SAMD12: variants seen among roughly 807,000 people sequenced by gnomAD.
SAMD12 encodes the protein sterile alpha motif domain containing 12, also known as sterile alpha motif domain-containing protein 12.
Under a neutral mutation model 15.0 loss-of-function variants are expected in SAMD12, and 9 were observed. The ratio of observed to expected loss-of-function variants is 0.60; its 90% CI spans 0.36 to 1.05. The LOEUF (loss-of-function observed/expected upper bound fraction) is 1.05, where lower values mean the gene tolerates loss of function less well. Among genes scored for constraint, SAMD12 ranks in the 50% least tolerant of loss-of-function variants. SAMD12 has a pLI of 0.01. For synonymous variants in SAMD12, 86 were observed against 90.1 expected (o/e 0.96, Z 0.25); for missense variants, 230 against 234.2 (o/e 0.98, Z 0.12).
intron 2 of SAMD12, among the ~76,000 whole-genome samples, chr8:118,566,591 G>A (rs1316972731): frequency 6.6e-6 from 1 of 151,970 alleles, no homozygotes; most frequent in Non-Finnish European, 1.5e-5. Context: ...AATAAAAGGG[G>A]GTTAAATGAT....
At chr8:118,260,817 A>G (rs1456457898) in intron 4 of SAMD12, among the ~76,000 whole-genome samples, 1 of 152,064 alleles carries the variant, frequency 6.6e-6, no homozygotes, top group Non-Finnish European at 1.5e-5. Flanking sequence ...CCCTTTGTTC[A>G]GTTAGACCAA....
intron 4 of SAMD12, among the ~76,000 whole-genome samples, chr8:118,235,746 T>C (rs1287824518): frequency 1.3e-5 from 2 of 152,142 alleles, no homozygotes; most frequent in Non-Finnish European, 2.9e-5. Context: ...GACTGGTGAT[T>C]AGTGTCATGA....
At chr8:118,576,425 ACT>A (rs1267211736) in intron 2 of SAMD12, among the ~76,000 whole-genome samples, 2 of 151,894 alleles carry the variant, frequency 1.3e-5, no homozygotes, top group South Asian at 2.1e-4. Flanking sequence ...TGCCACACAA[ACT>A]CTTACTTGAA....
At chr8:118,621,765 G>C in intron 1 of SAMD12, 39 bp downstream of exon 1, 1 of 1,612,104 alleles carries the variant, frequency 6.2e-7, no homozygotes. Context: ...GGGTGCGCGG[G>C]TTAAGAGGGA....
chr8:118,155,725 A>G, the SAMD12 span, among the ~76,000 whole-genome samples: 1 of 152,232 alleles, frequency 6.6e-6, no homozygotes, highest in African/African-American at 2.4e-5. Context: ...ACTTTTTCAC[A>G]ACACACCTTA....
At chr8:118,157,674 T>TC in the SAMD12 span, among the ~76,000 whole-genome samples, 1 of 152,208 alleles carries the variant, frequency 6.6e-6, no homozygotes, top group Admixed American at 6.5e-5. Flanking sequence ...AGGAGCTATT[T>TC]CGTTACTGTT....
intron 1 of SAMD12, chr8:118,621,498 C>G (rs1182069149): frequency 2.1e-6 from 1 of 466,326 alleles, no homozygotes; most frequent in Non-Finnish European, 3.8e-6. Flanking sequence ...GGGCCAAAAC[C>G]TCATGCCGGA....
intron 4 of SAMD12, among the ~76,000 whole-genome samples, chr8:118,355,103 G>C (rs988766895): frequency 6.6e-6 from 1 of 152,224 alleles, no homozygotes; most frequent in Non-Finnish European, 1.5e-5. Context: ...GCTTAGAGCA[G>C]TGTAATTTGC....
chr8:118,566,292 T>C (rs958317093), intron 2 of SAMD12, among the ~76,000 whole-genome samples: 1 of 152,182 alleles, frequency 6.6e-6, no homozygotes, highest in African/African-American at 2.4e-5. Flanking sequence ...AACATTTTGG[T>C]TTCGTCTCAG....
intron 2 of SAMD12, among the ~76,000 whole-genome samples, chr8:118,549,455 C>T (rs1049194107): frequency 6.6e-6 from 1 of 152,216 alleles, no homozygotes; most frequent in Non-Finnish European, 1.5e-5. Flanking sequence ...CTCCAACAGA[C>T]CTGCAGCTGA....
intron 4 of SAMD12, among the ~76,000 whole-genome samples, chr8:118,251,381 G>C (rs1417543327): frequency 6.6e-6 from 1 of 152,016 alleles, no homozygotes; most frequent in Non-Finnish European, 1.5e-5. Context: ...ATCAAAGCCC[G>C]CCCTGGTTTT....
intron 4 of SAMD12, among the ~76,000 whole-genome samples, chr8:118,280,805 G>T (rs754573360): frequency 3.9e-5 from 6 of 152,108 alleles, no homozygotes; most frequent in Non-Finnish European, 8.8e-5. Context: ...GCATTTTGGT[G>T]GGGGAGCTTC....
At chr8:118,332,416 G>A (rs1816847143) in intron 4 of SAMD12, among the ~76,000 whole-genome samples, 2 of 152,262 alleles carry the variant, frequency 1.3e-5, no homozygotes, top group Admixed American at 1.3e-4. Context: ...CAGTGGCTGA[G>A]ATTGGCATTG....
At chr8:118,203,923 TTTTG>T (rs1355555326) in intron 4 of SAMD12, among the ~76,000 whole-genome samples, 1 of 151,918 alleles carries the variant, frequency 6.6e-6, no homozygotes, top group African/African-American at 2.4e-5. Context: ...ATCCTTTTTT[TTTTG>T]TTTGTTTCTA....
chr8:118,358,056 G>T (rs1204041999), intron 4 of SAMD12, among the ~76,000 whole-genome samples: 1 of 152,170 alleles, frequency 6.6e-6, no homozygotes. Context: ...AAGGTGGGAG[G>T]ATTGCTTGAG....
chr8:118,183,201 C>T, the SAMD12 span, among the ~76,000 whole-genome samples: 2 of 152,146 alleles, frequency 1.3e-5, no homozygotes, highest in East Asian at 3.8e-4. Flanking sequence ...ATGACCACCT[C>T]CCCTTTTCCT....
intron 4 of SAMD12, among the ~76,000 whole-genome samples, chr8:118,198,044 AC>A (rs1329540265): frequency 1.3e-5 from 2 of 152,202 alleles, no homozygotes; most frequent in Admixed American, 1.3e-4. Context: ...AGTTTGGGAA[AC>A]CATTTCATGT....
intron 2 of SAMD12, among the ~76,000 whole-genome samples, chr8:118,560,119 CATG>C (rs1826662967): frequency 6.6e-6 from 1 of 152,166 alleles, no homozygotes; most frequent in Admixed American, 6.5e-5. Flanking sequence ...AATGGAGTCA[CATG>C]ATATTTTGGC....
chr8:118,591,136 C>A (rs1456756731), intron 1 of SAMD12, among the ~76,000 whole-genome samples: 1 of 152,122 alleles, frequency 6.6e-6, no homozygotes, highest in Non-Finnish European at 1.5e-5. Flanking sequence ...ACTCATCGAA[C>A]TTAACACTTA....
Sources: allele counts gnomAD v4.1 joint callset (sites outside exome capture counted in the v4.1 genomes callset), GRCh38; gene constraint gnomAD v4.1.1; transcripts MANE v1.5; gene names NCBI Gene and HGNC (gene_info 2026-07-23, HGNC 2026-07-21).